The following CSPP1 variants were observed in gnomAD, a reference collection of about 807,000 sequenced individuals.
CSPP1 encodes centrosome and spindle pole-associated protein 1.
In CSPP1, 126 loss-of-function variants were observed where a neutral mutation model predicts 164.4. The observed-to-expected ratio is 0.77, with a 90% CI of 0.66 to 0.89. The LOEUF is 0.89. Ranked by LOEUF, CSPP1 falls within the 40% of genes least tolerant of loss-of-function variation. The pLI is 0.00. For synonymous variants in CSPP1, 472 were observed against 476.7 expected, an observed-to-expected ratio of 0.99 and a Z score of 0.13; for missense variants, 1,395 against 1,449.8, an observed-to-expected ratio of 0.96 and a Z score of 0.61.
At chr8:67,073,228 A>G (rs1807203823) in intron 1 of CSPP1, among the ~76,000 whole-genome samples, 1 of 152,200 alleles carries the variant, frequency 6.6e-6, no homozygotes, top group Admixed American at 6.5e-5. Context: ...TCTTGACCAT[A>G]TAATAAAAAA....
At chr8:67,164,659 A>G in intron 24 of CSPP1, 151 bp downstream of exon 24, 1 of 521,806 alleles carries the variant, frequency 1.9e-6, no homozygotes, top group Non-Finnish European at 3.4e-6. Flanking sequence ...AATCAGCTGT[A>G]GAAATTTAGT....
intron 4 of CSPP1, among the ~76,000 whole-genome samples, chr8:67,087,603 T>C (rs765815865): frequency 2.0e-5 from 3 of 152,192 alleles, no homozygotes; most frequent in Non-Finnish European, 2.9e-5. Context: ...ATGGAAAGCA[T>C]AGAGTAAAGG....
intron 16 of CSPP1, chr8:67,134,348 T>A (rs1821806552): frequency 1.3e-5 from 2 of 152,198 alleles, no homozygotes; most frequent in South Asian, 4.1e-4. Context: ...ACAACAACAT[T>A]AACCTTCTTG....
chr8:67,082,689 A>C (rs1328612595), intron 3 of CSPP1, among the ~76,000 whole-genome samples: 1 of 152,224 alleles, frequency 6.6e-6, no homozygotes, highest in East Asian at 1.9e-4. Context: ...GTTAGAAGGT[A>C]AATTAATTAT....
At position 67,172,566 on chromosome 8, in the gene CSPP1, T is replaced by C; in HGVS notation, c.2968+11T>C. 6.2e-7 allele frequency: 1 copy of C among 1,604,116 alleles called. No individual in the cohort carries two copies. Among genetic ancestry groups the C allele is most frequent in the Non-Finnish European group, 8.5e-7 (1 of 1,174,344 alleles). On this transcript the variant is annotated intron_variant, in intron 25 of 30. Transcript: ENST00000678616. ...AGCTGAAAGATAGAGGTGAGTAGAT[T>C]GCTGCTCTTTTAAAGATGTAGCAGA...
chr8:67,102,999 T>C, intron 7 of CSPP1, 38 bp from the exon 8 acceptor site: 1 of 1,211,872 alleles, frequency 8.3e-7, no homozygotes, highest in Non-Finnish European at 1.2e-6. Context: ...AGGTCCACTG[T>C]ATGTGGCACA....
At chr8:67,184,971 G>A (rs1222806561) in intron 28 of CSPP1, among the ~76,000 whole-genome samples, 1 of 146,834 alleles carries the variant, frequency 6.8e-6, no homozygotes, top group Non-Finnish European at 1.5e-5. Flanking sequence ...AAAAAAGGTG[G>A]TGGGCACCTA....
chr8:67,097,074 TACTTGCC>T (rs1372849312), intron 7 of CSPP1, among the ~76,000 whole-genome samples: 8 of 152,222 alleles, frequency 5.3e-5, no homozygotes, highest in Middle Eastern at 3.2e-3. Context: ...CATACATTGA[TACTTGCC>T]ATAGTTTAAC....
chr8:67,118,332 T>A lies in CSPP1; in HGVS notation c.1581T>A (p.Tyr527Ter). The A allele has an allele frequency of 6.2e-7, 1 of 1,613,708 alleles. No homozygotes were observed. The highest frequency in any genetic ancestry group is 1.3e-5 in the African/African-American group (1 of 75,044). The part of the protein sequence containing the change: ...RTPYDDAYYF[Y>*]GSRNTFDPSL... ...CTTATGATGATGCATACTATTTTTA[T>A]GGGTCCAGGAATACTTTCGATCCCA... Residue 527 changes from tyrosine to a stop codon, truncating the protein, a stop_gained, in exon 14 of 31, where the codon TAT (tyrosine) becomes TAA (stop). Coordinates refer to ENST00000678616, the MANE Select transcript of CSPP1 (RefSeq NM_001382391.1). LOFTEE classifies it high-confidence loss of function.
intron 23 of CSPP1, 97 bp downstream of exon 23, chr8:67,163,895 AT>A: frequency 1.0e-6 from 1 of 973,308 alleles, no homozygotes; most frequent in Admixed American, 2.3e-5. Flanking sequence ...CAGAAACAGT[AT>A]AGAGCGGTTA....
chr8:67,064,561 T>C (rs1805114392), intron 1 of CSPP1, 23 bp downstream of exon 1: 1 of 1,583,948 alleles, frequency 6.3e-7, no homozygotes, highest in African/African-American at 1.3e-5. Context: ...GTGGTGTAGG[T>C]TGAGGGTGGA....
At chr8:67,068,819 C>CA (rs959116198) in intron 1 of CSPP1, among the ~76,000 whole-genome samples, 1 of 152,176 alleles carries the variant, frequency 6.6e-6, no homozygotes, top group African/African-American at 2.4e-5. Context: ...TGGATCAAGA[C>CA]AAAAACATTC....
chr8:67,102,299 TA>T (rs1814283489), intron 7 of CSPP1, among the ~76,000 whole-genome samples: 1 of 152,140 alleles, frequency 6.6e-6, no homozygotes, highest in African/African-American at 2.4e-5. Context: ...ATTTTTAAGT[TA>T]AAAAGGTTAT....
At chr8:67,175,274 T>C (rs1404521015) in intron 25 of CSPP1, 22 bp from the exon 26 acceptor site, 4 of 1,573,436 alleles carry the variant, frequency 2.5e-6, no homozygotes, top group Non-Finnish European at 3.5e-6. Flanking sequence ...AACTTAGTTA[T>C]ATAACATATT....
At chr8:67,174,316 A>G (rs1831094357) in intron 25 of CSPP1, 1 of 152,194 alleles carries the variant, frequency 6.6e-6, no homozygotes, top group Non-Finnish European at 1.5e-5. Context: ...ATTTCTGATC[A>G]TAAAGCTTTA....
At chr8:67,066,899 C>T (rs532804063) in intron 1 of CSPP1, among the ~76,000 whole-genome samples, 2 of 152,134 alleles carry the variant, frequency 1.3e-5, no homozygotes, top group East Asian at 3.9e-4. Context: ...AGCAATGGTT[C>T]TGCCTCCTGC....
Position 67,158,609 on chromosome 8 carries a change from T to G in CSPP1, c.2391+13T>G. ...GAAAGAGGAGGAGGTACATCTTTTT[T>G]CCCTATTGTATTTTACTACTTAGTC... On this transcript the variant is annotated intron_variant, in intron 20 of 30. Coordinates refer to ENST00000678616, the MANE Select transcript of CSPP1 (RefSeq NM_001382391.1). 6.4e-7 allele frequency: 1 copy of G among 1,565,830 alleles called. No homozygotes were observed. The highest frequency in any genetic ancestry group is 8.6e-7 in the Non-Finnish European group (1 of 1,157,570).
At chr8:67,106,054 A>G (rs938400125) in intron 9 of CSPP1, 79 bp downstream of exon 9, 5 of 735,948 alleles carry the variant, frequency 6.8e-6, no homozygotes, top group Non-Finnish European at 1.2e-5. Flanking sequence ...TCAGTGTTGT[A>G]ATTAATACTA....
chr8:67,195,190 G>A (rs984839213), intron 30 of CSPP1, among the ~76,000 whole-genome samples, 192 bp from the exon 31 acceptor site: 3 of 152,048 alleles, frequency 2.0e-5, no homozygotes, highest in Non-Finnish European at 2.9e-5. Context: ...TGGCCTTTGT[G>A]GGCCCACTCT....
Sources: allele counts gnomAD v4.1 joint callset (sites outside exome capture counted in the v4.1 genomes callset), GRCh38; gene constraint gnomAD v4.1.1; transcripts MANE v1.5; gene names NCBI Gene and HGNC (gene_info 2026-07-23, HGNC 2026-07-21).